DAO: variants seen among roughly 807,000 people sequenced by gnomAD.
The protein encoded by DAO is D-amino acid oxidase.
In DAO, 51 loss-of-function variants were observed where a neutral mutation model predicts 50.1. The observed-to-expected ratio is 1.02, with a 90% confidence interval of 0.81 to 1.29. The LOEUF is 1.29. Ranked by LOEUF, DAO falls within the 50% of genes most tolerant of loss-of-function variation. The probability of loss-of-function intolerance (pLI) is 0.00; values close to 1 mark genes in which losing one functional copy is unlikely to be tolerated. For synonymous variants in DAO, 160 were observed against 166.2 expected (o/e 0.96, Z 0.29); for missense variants, 436 against 439.4 (o/e 0.99, Z 0.07).
chr12:108,895,483 G>A (rs1250573700), intron 7 of DAO, among the ~76,000 whole-genome samples: 1 of 145,600 alleles, frequency 6.9e-6, no homozygotes, highest in Non-Finnish European at 1.5e-5. Flanking sequence ...GTGCATGTAT[G>A]TGAGGGTGTA....
chr12:108,885,280 G>T, intron 2 of DAO, 80 bp downstream of exon 2: 2 of 1,366,570 alleles, frequency 1.5e-6, no homozygotes, highest in South Asian at 2.3e-5. Flanking sequence ...CCATCACCAA[G>T]AGCAAGCCCC....
At chr12:108,887,589 A>C in intron 3 of DAO, 25 bp downstream of exon 3, 3 of 1,536,674 alleles carry the variant, frequency 2.0e-6, no homozygotes, top group Non-Finnish European at 2.7e-6. Context: ...CTTGACCATG[A>C]GGGATGAGCA....
intron 3 of DAO, among the ~76,000 whole-genome samples, chr12:108,888,216 C>T (rs1316325529): frequency 6.6e-6 from 1 of 152,228 alleles, no homozygotes; most frequent in Non-Finnish European, 1.5e-5. Context: ...GCTCAGGCTC[C>T]TTGGAGAGGG....
chr12:108,894,331 C>T lies in DAO; in HGVS notation c.576C>T (p.Asp192=). 6.2e-7 allele frequency: 1 copy of T among 1,613,964 alleles called. No homozygotes were observed. Among genetic ancestry groups the T allele is most frequent in the Non-Finnish European group, 8.5e-7 (1 of 1,179,942 alleles). The change falls in exon 7 of 11, where the codon GAC becomes GAT. Residue 192 remains aspartate (D), a synonymous_variant. Transcript: ENST00000228476. ...TGVWAGALQR[D]PLLQPGRGQI... ...TATGGGCTGGGGCGCTACAACGAGA[C>T]CCCCTGCTGCAGCCAGGCCGGGGGC...
chr12:108,880,660 G>A (rs1210738768), intron 1 of DAO, among the ~76,000 whole-genome samples: 2 of 148,548 alleles, frequency 1.3e-5, no homozygotes, highest in South Asian at 2.1e-4. Context: ...GCCGTGTGGT[G>A]CAACCAGGGA....
At position 108,898,654 on chromosome 12, in the gene DAO, C is replaced by T. The variant is rs55944529; in HGVS notation, c.696-25C>T. 0.049 allele frequency: 73,695 copies of T among 1,504,530 alleles called. 2,757 individuals carry two copies. Among genetic ancestry groups the T allele is most frequent in the East Asian group, 0.15 (6,524 of 44,330 alleles). 93.2% of individuals were successfully genotyped at this position (1,504,530 alleles called of 1,614,324 possible). On this transcript the variant is annotated intron_variant, in intron 8 of 10. Transcript: ENST00000228476. Reference sequence around the variant, plus strand: ...CTCAGAGCCTTCATTTTCCTTCATCCTTGACCCTCCTCATTTGTATCTAGG... The same window carrying T: ...CTCAGAGCCTTCATTTTCCTTCATCTTTGACCCTCCTCATTTGTATCTAGG...
chr12:108,888,191 G>T (rs549855715), intron 3 of DAO, among the ~76,000 whole-genome samples: 1 of 152,338 alleles, frequency 6.6e-6, no homozygotes, highest in Admixed American at 6.5e-5. Flanking sequence ...GAACAGCACA[G>T]CCCTGGGACG....
At chr12:108,892,578 A>G (rs2039503597) in intron 5 of DAO, among the ~76,000 whole-genome samples, 1 of 152,078 alleles carries the variant, frequency 6.6e-6, no homozygotes. Flanking sequence ...ACAAAGGGGA[A>G]TTTGGCACTG....
At chr12:108,900,289 TG>T in intron 10 of DAO, 114 bp from the exon 11 acceptor site, 1 of 1,372,126 alleles carries the variant, frequency 7.3e-7, no homozygotes, top group Non-Finnish European at 1.0e-6. Context: ...AGGTGGCATC[TG>T]GCTTTGCCCA....
intron 1 of DAO, among the ~76,000 whole-genome samples, chr12:108,881,601 ATTTTTTTTTTT>A (rs34780883): frequency 2.0e-5 from 2 of 99,208 alleles, no homozygotes; most frequent in Non-Finnish European, 3.9e-5. Flanking sequence ...TTCCTTTTAA[ATTTTTTTTTTT>A]TTTTTTTTTT....
rs1465674883 is a variant in DAO, at chr12:108,887,535, G to A, written c.280G>A (p.Gly94Ser). Reference sequence around the variant, plus strand: ...AAACCTGGGCCTGTTCCTAATCTCGGGCTACAACCTCTTCCATGAAGCCAT... The same window carrying A: ...AAACCTGGGCCTGTTCCTAATCTCGAGCTACAACCTCTTCCATGAAGCCAT... ...AENLGLFLIS[G>S]YNLFHEAIPD... is the part of the protein sequence containing the mutation. The change falls in exon 3 of 11, where the codon GGC becomes AGC. Residue 94 changes from glycine to serine, a missense_variant. By Grantham distance (56) the Gly-to-Ser change is moderately conservative. Coordinates refer to ENST00000228476, the MANE Select transcript of DAO (RefSeq NM_001917.5). 6.2e-7 allele frequency: 1 copy of A among 1,613,828 alleles called. No homozygotes were observed. Among genetic ancestry groups the A allele is most frequent in the Non-Finnish European group, 8.5e-7 (1 of 1,179,850 alleles).
intron 10 of DAO, chr12:108,899,853 T>C (rs754891158): frequency 8.9e-6 from 3 of 337,896 alleles, no homozygotes; most frequent in Admixed American, 4.4e-5. Flanking sequence ...AACTGTCTCA[T>C]TGGCAATATT....
At chr12:108,881,644 A>G (rs1406420501) in intron 1 of DAO, among the ~76,000 whole-genome samples, 1 of 121,440 alleles carries the variant, frequency 8.2e-6, no homozygotes, top group East Asian at 2.4e-4. Context: ...CACTCTTGTC[A>G]CCTGGGCTGG....
At chr12:108,895,839 G>C (rs575993617) in intron 7 of DAO, among the ~76,000 whole-genome samples, 195 of 151,958 alleles carry the variant, frequency 1.3e-3, no homozygotes, top group African/African-American at 4.4e-3. Flanking sequence ...CTGTGTGTAG[G>C]GGTGCGTGTG....
chr12:108,897,800 AG>A (rs1349009270), intron 8 of DAO, among the ~76,000 whole-genome samples: 2 of 152,120 alleles, frequency 1.3e-5, no homozygotes, highest in African/African-American at 4.8e-5. Flanking sequence ...TACAAAAATT[AG>A]CCGGGCGTGA....
At chr12:108,881,543 T>C (rs1239551342) in intron 1 of DAO, among the ~76,000 whole-genome samples, 1 of 151,634 alleles carries the variant, frequency 6.6e-6, no homozygotes, top group African/African-American at 2.4e-5. Flanking sequence ...TTGACTCATA[T>C]CTTGAATTTT....
At chr12:108,888,833 C>G (rs774249487) in intron 3 of DAO, among the ~76,000 whole-genome samples, 7 of 152,160 alleles carry the variant, frequency 4.6e-5, no homozygotes, top group Admixed American at 1.3e-4. Flanking sequence ...AACTCACCCT[C>G]GGTCTTACTC....
At position 108,892,976 on chromosome 12, in the gene DAO, T is replaced by C; in HGVS notation, c.453-6T>C. The C allele has an allele frequency of 6.2e-7, 1 of 1,613,940 alleles. No homozygotes were observed. Among genetic ancestry groups the C allele is most frequent in the Non-Finnish European group, 8.5e-7 (1 of 1,179,810 alleles). On this transcript the variant is annotated splice_region_variant and splice_polypyrimidine_tract_variant and intron_variant, in intron 5 of 10. Transcript: ENST00000228476. ...CTGGGCTTTTTGATGTGTTTGATCA[T>C]CCCAGGTTAACTGAGAGGGGAGTGA...
intron 5 of DAO, among the ~76,000 whole-genome samples, chr12:108,891,099 G>A (rs2039486105): frequency 6.6e-6 from 1 of 152,152 alleles, no homozygotes; most frequent in Non-Finnish European, 1.5e-5. Context: ...GGGATTACAG[G>A]TGTCAGCCAC....
Sources: allele counts gnomAD v4.1 joint callset (sites outside exome capture counted in the v4.1 genomes callset), GRCh38; gene constraint gnomAD v4.1.1; transcripts MANE v1.5; gene names NCBI Gene and HGNC (gene_info 2026-07-23, HGNC 2026-07-21).